Variants in TANC2 observed in about 807,000 individuals in gnomAD.
The protein encoded by TANC2 is tetratricopeptide repeat, ankyrin repeat and coiled-coil containing 2.
In TANC2, 26 loss-of-function variants were observed where a neutral mutation model predicts 210.5. That is an observed-to-expected ratio of 0.12 (90% CI 0.09 to 0.17). The LOEUF is 0.17. TANC2 is among the 10% of genes least tolerant of loss of function. The probability of loss-of-function intolerance (pLI) is 1.00; values close to 1 mark genes in which losing one functional copy is unlikely to be tolerated. For missense variants in TANC2, 2,129 were observed against 2,608.9 expected, an observed-to-expected ratio of 0.82 and a Z score of 4.01; for synonymous variants, 931 against 967.1, an observed-to-expected ratio of 0.96 and a Z score of 0.69.
intron 11 of TANC2, among the ~76,000 whole-genome samples, chr17:63,322,151 A>T (rs2045513728): frequency 6.6e-6 from 1 of 152,210 alleles, no homozygotes; most frequent in Non-Finnish European, 1.5e-5. Flanking sequence ...TTGCGAAGTC[A>T]TTGTAGCTTT....
At chr17:63,205,705 T>C (rs2041688375) in intron 7 of TANC2, among the ~76,000 whole-genome samples, 2 of 152,092 alleles carry the variant, frequency 1.3e-5, no homozygotes, top group East Asian at 1.9e-4. Flanking sequence ...TCACCTGAGC[T>C]CAGGAGTTCA....
At chr17:63,014,324 A>G (rs2034011411) in intron 2 of TANC2, among the ~76,000 whole-genome samples, 1 of 152,154 alleles carries the variant, frequency 6.6e-6, no homozygotes, top group African/African-American at 2.4e-5. Flanking sequence ...AAAATAGGCA[A>G]TTTAAAGTTG....
chr17:63,306,275 T>A (rs1003748713), intron 9 of TANC2, among the ~76,000 whole-genome samples: 3 of 152,204 alleles, frequency 2.0e-5, no homozygotes, highest in Non-Finnish European at 4.4e-5. Flanking sequence ...CTTGGTTAAG[T>A]TTACTTCTTA....
chr17:63,342,319 G>A (rs549267177), intron 12 of TANC2, among the ~76,000 whole-genome samples: 23 of 152,216 alleles, frequency 1.5e-4, no homozygotes, highest in African/African-American at 5.3e-4. Flanking sequence ...TGAGTAAATT[G>A]TATGTTATTG....
intron 9 of TANC2, among the ~76,000 whole-genome samples, chr17:63,295,121 T>C (rs1297629874): frequency 1.3e-5 from 2 of 152,198 alleles, no homozygotes; most frequent in Admixed American, 1.3e-4. Context: ...GGGCTTTCTT[T>C]TATCATATTG....
At chr17:63,285,376 GTTA>G (rs1020784970) in intron 9 of TANC2, among the ~76,000 whole-genome samples, 1 of 151,846 alleles carries the variant, frequency 6.6e-6, no homozygotes, top group African/African-American at 2.4e-5. Flanking sequence ...TGTACTCTTT[GTTA>G]TTGTTTGTTC....
intron 8 of TANC2, among the ~76,000 whole-genome samples, chr17:63,242,334 C>T (rs1036284124): frequency 2.6e-5 from 4 of 151,976 alleles, no homozygotes; most frequent in African/African-American, 9.7e-5. Flanking sequence ...CCACTCTCCT[C>T]TCTACACCTA....
chr17:63,023,424 T>G (rs2034430219), intron 2 of TANC2, among the ~76,000 whole-genome samples: 1 of 152,176 alleles, frequency 6.6e-6, no homozygotes, highest in Non-Finnish European at 1.5e-5. Flanking sequence ...CAGACTAGAC[T>G]CGAACTCCTG....
At chr17:63,131,232 A>G (rs1025739542) in intron 4 of TANC2, among the ~76,000 whole-genome samples, 4 of 152,238 alleles carry the variant, frequency 2.6e-5, no homozygotes, top group Admixed American at 6.5e-5. Flanking sequence ...AGTTTCATAA[A>G]GTAAAATATT....
At chr17:63,167,578 A>G (rs935706240) in intron 5 of TANC2, among the ~76,000 whole-genome samples, 8 of 152,174 alleles carry the variant, frequency 5.3e-5, no homozygotes, top group African/African-American at 1.9e-4. Context: ...AATTAACTCT[A>G]TAGAAAACTA....
chr17:63,076,908 G>C lies in TANC2; in HGVS notation c.139+2894G>C, dbSNP rs184713108. Among the ~76,000 whole-genome samples the C allele has an allele frequency of 8.4e-4, 128 of 152,218 alleles. 1 individual carries two copies. Among genetic ancestry groups the C allele is most frequent in the African/African-American group, 2.5e-3 (105 of 41,530 alleles). The stretch of plus-strand genomic sequence containing the variant: ...GGAGGAGTGTTAAGAAAAATCACAG[G>C]ATCAGTCCAGGAATTTCAGTATTCA... On this transcript the variant is annotated intron_variant, in intron 3 of 27. Transcript: ENST00000689528.
rs148403236 is a variant in TANC2 at position 63,374,114 on chromosome 17, G to A, written c.2583-5604G>A. ...TGCAACGGTGTAATCATAGCACACT[G>A]CAGCCTCGACGTCCTGGGCTTAGGC... On this transcript the variant is annotated intron_variant, in intron 14 of 27. Coordinates refer to ENST00000689528, the Ensembl canonical transcript of TANC2. Among the ~76,000 whole-genome samples the A allele has an allele frequency of 1.1e-3, 154 of 134,720 alleles. 1 individual carries two copies. The highest frequency in any genetic ancestry group is 3.8e-3 in the African/African-American group (130 of 34,038). The allele number at this position is 134,720 out of a possible 152,430, so 88.4% of individuals were successfully genotyped here. A position where few individuals can be genotyped will look rare whatever the true frequency, so the allele number is the denominator to read the frequency against.
intron 17 of TANC2, chr17:63,390,797 T>C (rs1341369483): frequency 6.6e-6 from 1 of 152,196 alleles, no homozygotes; most frequent in Non-Finnish European, 1.5e-5. Flanking sequence ...CATATTCTGA[T>C]CTTAGCTGGG....
chr17:63,045,352 C>T (rs895428000), intron 2 of TANC2, among the ~76,000 whole-genome samples: 3 of 152,186 alleles, frequency 2.0e-5, no homozygotes, highest in African/African-American at 7.2e-5. Flanking sequence ...TGTACACTGT[C>T]TTAAAACGTT....
chr17:63,148,817 C>T (rs892755045), intron 4 of TANC2: 1 of 152,114 alleles, frequency 6.6e-6, no homozygotes, highest in Non-Finnish European at 1.5e-5. Flanking sequence ...CCAGGTAAAA[C>T]ATTATGCCCC....
At chr17:63,142,699 T>C (rs1418584156) in intron 4 of TANC2, among the ~76,000 whole-genome samples, 3 of 152,198 alleles carry the variant, frequency 2.0e-5, no homozygotes, top group Non-Finnish European at 4.4e-5. Flanking sequence ...TGAGCATGTT[T>C]TTCTCCAGTT....
intron 9 of TANC2, among the ~76,000 whole-genome samples, chr17:63,296,341 C>T (rs149303152): frequency 4.3e-4 from 66 of 151,978 alleles, no homozygotes; most frequent in Non-Finnish European, 6.6e-4. Flanking sequence ...AGTGACTACA[C>T]ACAATAAGGA....
intron 5 of TANC2, among the ~76,000 whole-genome samples, chr17:63,175,490 G>C (rs1282514120): frequency 7.1e-6 from 1 of 140,976 alleles, no homozygotes; most frequent in Non-Finnish European, 1.5e-5. Context: ...TGGTGCCACT[G>C]CACTCTTACC....
At chr17:63,059,693 G>T (rs2035927226) in intron 2 of TANC2, among the ~76,000 whole-genome samples, 1 of 150,662 alleles carries the variant, frequency 6.6e-6, no homozygotes, top group Non-Finnish European at 1.5e-5. Context: ...GTTTTGTTTT[G>T]TTTTTTTGTT....
Sources: gnomAD v4.1 joint callset for allele counts (sites outside exome capture counted in the v4.1 genomes callset) on GRCh38, gnomAD v4.1.1 for gene constraint, MANE v1.5 for transcripts, NCBI Gene and HGNC (gene_info 2026-07-23, HGNC 2026-07-21) for gene names.